The following NUBPL variants were observed in gnomAD, a reference collection of about 807,000 sequenced individuals.
NUBPL encodes the protein iron-sulfur cluster transfer protein NUBPL.
A neutral mutation model predicts 45.7 loss-of-function variants in NUBPL; 31 were observed. The ratio of observed to expected loss-of-function variants is 0.68; its 90% CI spans 0.51 to 0.92. The LOEUF is 0.92. Ranked by LOEUF, NUBPL falls within the 40% of genes least tolerant of loss-of-function variation. The probability of loss-of-function intolerance (pLI) is 0.00; values close to 1 mark genes in which losing one functional copy is unlikely to be tolerated. For missense variants in NUBPL, 401 were observed against 398.7 expected (o/e 1.01, Z -0.05); for synonymous variants, 144 against 140.9 (o/e 1.02, Z -0.15).
intron 9 of NUBPL, among the ~76,000 whole-genome samples, chr14:31,846,910 A>G (rs1220509688): frequency 6.6e-6 from 1 of 151,938 alleles, no homozygotes; most frequent in Non-Finnish European, 1.5e-5. Flanking sequence ...GAGCTGAGAT[A>G]GCACCACTGC....
intron 6 of NUBPL, among the ~76,000 whole-genome samples, chr14:31,769,234 A>T (rs898072248): frequency 4.6e-5 from 7 of 152,226 alleles, no homozygotes; most frequent in Non-Finnish European, 4.4e-5. Flanking sequence ...CATAGCTCAT[A>T]GGAGAAGGAG....
intron 6 of NUBPL, among the ~76,000 whole-genome samples, chr14:31,700,012 A>G (rs1162042326): frequency 6.6e-6 from 1 of 152,242 alleles, no homozygotes; most frequent in East Asian, 1.9e-4. Flanking sequence ...CTGCCATGTC[A>G]GCATGTATCC....
chr14:31,736,058 A>G (rs1808685381), intron 6 of NUBPL, among the ~76,000 whole-genome samples: 1 of 152,128 alleles, frequency 6.6e-6, no homozygotes, highest in Non-Finnish European at 1.5e-5. Context: ...ACTTTTCCTC[A>G]TTGTTAGAAA....
chr14:31,851,237 T>C (rs987702315), intron 10 of NUBPL, among the ~76,000 whole-genome samples: 5 of 85,500 alleles, frequency 5.8e-5, no homozygotes, highest in Non-Finnish European at 1.1e-4. Context: ...TAGTTTTTCT[T>C]TTTTTTTTTT....
chr14:31,718,668 G>T (rs186547710), intron 6 of NUBPL, among the ~76,000 whole-genome samples: 13 of 152,228 alleles, frequency 8.5e-5, no homozygotes, highest in Admixed American at 7.9e-4. Flanking sequence ...TGTATGAGGA[G>T]TTGCCACAGT....
At chr14:31,825,803 TCTC>T (rs146422681) in intron 7 of NUBPL, among the ~76,000 whole-genome samples, 2,042 of 148,386 alleles carry the variant, frequency 0.014, 20 homozygotes, top group Middle Eastern at 0.056. Context: ...CATTTCTTCT[TCTC>T]CTCCTCCTCC....
At chr14:31,713,479 A>C (rs1382877121) in intron 6 of NUBPL, among the ~76,000 whole-genome samples, 1 of 152,290 alleles carries the variant, frequency 6.6e-6, no homozygotes, top group East Asian at 1.9e-4. Flanking sequence ...TTGTGCCACA[A>C]ACCCATTGGT....
At chr14:31,656,253 T>G (rs542633827) in intron 4 of NUBPL, among the ~76,000 whole-genome samples, 1 of 152,226 alleles carries the variant, frequency 6.6e-6, no homozygotes, top group African/African-American at 2.4e-5. Flanking sequence ...TGATCTTCTA[T>G]CCAGACCAAT....
intron 4 of NUBPL, among the ~76,000 whole-genome samples, chr14:31,673,051 A>G (rs996574373): frequency 1.3e-5 from 2 of 152,180 alleles, no homozygotes; most frequent in African/African-American, 2.4e-5. Flanking sequence ...CATGGTGACT[A>G]TTGTTAACAA....
chr14:31,736,238 C>T (rs998215317), intron 6 of NUBPL, among the ~76,000 whole-genome samples: 1 of 152,170 alleles, frequency 6.6e-6, no homozygotes. Flanking sequence ...GCCACCCTAA[C>T]TTAAGAAAAC....
intron 4 of NUBPL, among the ~76,000 whole-genome samples, chr14:31,651,997 T>C (rs2036020305): frequency 6.6e-6 from 1 of 151,150 alleles, no homozygotes; most frequent in African/African-American, 2.4e-5. Context: ...CATGAAAAAA[T>C]GCTCAACATC....
intron 6 of NUBPL, among the ~76,000 whole-genome samples, chr14:31,695,872 A>G (rs1255837839): frequency 6.6e-6 from 1 of 152,240 alleles, no homozygotes; most frequent in African/African-American, 2.4e-5. Flanking sequence ...GTGCTGTAGT[A>G]GATTTGGTCA....
intron 6 of NUBPL, among the ~76,000 whole-genome samples, chr14:31,748,612 G>GTTAT (rs1276886103): frequency 6.6e-6 from 1 of 150,618 alleles, no homozygotes; most frequent in African/African-American, 2.5e-5. Context: ...TTCCTGCTTT[G>GTTAT]TTATTTATTT....
At chr14:31,699,638 G>T (rs561418099) in intron 6 of NUBPL, among the ~76,000 whole-genome samples, 6 of 152,212 alleles carry the variant, frequency 3.9e-5, no homozygotes, top group Admixed American at 3.9e-4. Context: ...TCCCTGAAAC[G>T]CTAATTGACA....
At chr14:31,616,735 G>A (rs796848237) in intron 4 of NUBPL, among the ~76,000 whole-genome samples, 13 of 152,238 alleles carry the variant, frequency 8.5e-5, no homozygotes, top group African/African-American at 3.1e-4. Context: ...TTTTTGCTTA[G>A]GATTGTCTTG....
chr14:31,815,519 C>A (rs1205547909), intron 7 of NUBPL, among the ~76,000 whole-genome samples: 1 of 152,142 alleles, frequency 6.6e-6, no homozygotes, highest in African/African-American at 2.4e-5. Flanking sequence ...TATTTGAATA[C>A]CCTTTCTTTC....
chr14:31,701,554 C>T (rs534023248), intron 6 of NUBPL, among the ~76,000 whole-genome samples: 134 of 152,340 alleles, frequency 8.8e-4, no homozygotes, highest in Admixed American at 2.9e-3. Flanking sequence ...GGGTCCGCGC[C>T]GCCTTTATGA....
chr14:31,801,310 G>T (rs1359711013), intron 7 of NUBPL: 1 of 152,224 alleles, frequency 6.6e-6, no homozygotes, highest in East Asian at 1.9e-4. Context: ...GTCAACTCTT[G>T]GGGGACTGAT....
intron 2 of NUBPL, 140 bp downstream of exon 2, chr14:31,562,355 T>A: frequency 1.2e-6 from 1 of 847,706 alleles, no homozygotes; most frequent in Non-Finnish European, 1.8e-6. Flanking sequence ...CAGGAGTTGG[T>A]AGCGGGTAGA....
Sources: gnomAD v4.1 joint callset for allele counts (sites outside exome capture counted in the v4.1 genomes callset) on GRCh38, gnomAD v4.1.1 for gene constraint, MANE v1.5 for transcripts, NCBI Gene and HGNC (gene_info 2026-07-23, HGNC 2026-07-21) for gene names.